Variants in DNAH17 observed in about 807,000 individuals in gnomAD.
DNAH17 encodes the protein dynein axonemal heavy chain 17, also known as axonemal beta dynein heavy chain 17.
A neutral mutation model predicts 485.6 loss-of-function variants in DNAH17; 376 were observed. The ratio of observed to expected loss-of-function variants is 0.77; its 90% CI spans 0.71 to 0.84. DNAH17 has a LOEUF of 0.84. Among genes scored for constraint, DNAH17 ranks in the 40% least tolerant of loss-of-function variants. DNAH17 has a pLI of 0.00. For missense variants in DNAH17, 6,370 were observed against 5,839.3 expected, an observed-to-expected ratio of 1.09 and a Z score of -2.96; for synonymous variants, 3,031 against 2,405.9, an observed-to-expected ratio of 1.26 and a Z score of -7.60.
intron 62 of DNAH17, chr17:78,458,326 C>T (rs1317150323): frequency 3.7e-6 from 2 of 547,124 alleles, no homozygotes; most frequent in Non-Finnish European, 6.5e-6. Flanking sequence ...CCCCGTGGGA[C>T]CCAGTGTCCC....
intron 74 of DNAH17, among the ~76,000 whole-genome samples, chr17:78,435,692 G>C (rs2086831338): frequency 6.6e-6 from 1 of 152,242 alleles, no homozygotes; most frequent in Admixed American, 6.5e-5. Context: ...TGCAGAGTTT[G>C]TTGAGTGCCT....
chr17:78,454,086 G>T (rs185225461), intron 64 of DNAH17, among the ~76,000 whole-genome samples: 1 of 152,072 alleles, frequency 6.6e-6, no homozygotes, highest in Non-Finnish European at 1.5e-5. Flanking sequence ...TTCCAGCACC[G>T]CTAGGAAGCA....
chr17:78,501,550 C>T lies in DNAH17; in HGVS notation c.5322+192G>A, dbSNP rs769183010. 8.7e-5 allele frequency: 85 copies of T among 977,738 alleles called. 1 individual carries two copies. Among genetic ancestry groups the T allele is most frequent in the Non-Finnish European group, 1.1e-4 (78 of 679,368 alleles). The allele number at this position is 977,738 out of a possible 1,614,324, so 60.6% of individuals were successfully genotyped here. On this transcript the variant is annotated intron_variant, in intron 34 of 80. Transcript: ENST00000389840. Reference sequence around the variant, plus strand: ...AATGGCACTTCCAATGGGCGGGCACCGCTCATCTGACTGCTGTGTGTTGCT... The same window carrying T: ...AATGGCACTTCCAATGGGCGGGCACTGCTCATCTGACTGCTGTGTGTTGCT...
intron 17 of DNAH17, among the ~76,000 whole-genome samples, chr17:78,543,239 C>T (rs967006199): frequency 6.6e-6 from 1 of 152,042 alleles, no homozygotes; most frequent in Non-Finnish European, 1.5e-5. Flanking sequence ...CTCAGCCTCC[C>T]GAGTAGCTGG....
Position 78,476,597 on chromosome 17 carries a change from A to G in DNAH17, c.8129T>C (p.Met2710Thr). Residue 2710 changes from methionine to threonine, a missense_variant, in exon 52 of 81, where the codon ATG becomes ACG. Coordinates refer to ENST00000389840, the MANE Select transcript of DNAH17 (RefSeq NM_173628.4). The stretch of plus-strand genomic sequence containing the variant: ...ATCAAAGAACTTCTTGGTGGAGGCC[A>G]TGGTGACTCTATGCAATGTTTCCTG... Reference protein sequence around the residue: ...KDQETLHRVTMASTKKFFDDL... With the variant: ...KDQETLHRVTTASTKKFFDDL... 6.2e-7 allele frequency: 1 copy of G among 1,611,108 alleles called. No individual in the cohort carries two copies. The highest frequency in any genetic ancestry group is 8.5e-7 in the Non-Finnish European group (1 of 1,178,654).
chr17:78,524,148 TA>T (rs2091002805), intron 25 of DNAH17, among the ~76,000 whole-genome samples: 1 of 152,150 alleles, frequency 6.6e-6, no homozygotes, highest in Non-Finnish European at 1.5e-5. Flanking sequence ...TTTATGTGTT[TA>T]TTTTTTGAGA....
chr17:78,517,056 T>G (rs887315271), intron 25 of DNAH17, among the ~76,000 whole-genome samples: 3 of 152,242 alleles, frequency 2.0e-5, no homozygotes, highest in Non-Finnish European at 4.4e-5. Context: ...CTTTTGTTTT[T>G]GAGACAGAGT....
intron 63 of DNAH17, 84 bp downstream of exon 63, chr17:78,455,560 C>G: frequency 9.1e-7 from 1 of 1,094,398 alleles, no homozygotes; most frequent in African/African-American, 1.6e-5. Flanking sequence ...CTCCTGGCCT[C>G]AAGTAATCCG....
intron 31 of DNAH17, 158 bp from the exon 32 acceptor site, chr17:78,503,169 CTTTTTTTTTT>C (rs397856727): frequency 1.7e-3 from 218 of 127,510 alleles, no homozygotes; most frequent in Middle Eastern, 5.8e-3. Flanking sequence ...AGTGACACAC[CTTTTTTTTTT>C]TTTTTTTTTT....
intron 2 of DNAH17, among the ~76,000 whole-genome samples, chr17:78,573,597 CAA>C (rs112944174): frequency 1.1e-4 from 13 of 119,482 alleles, no homozygotes; most frequent in Admixed American, 1.6e-4. Context: ...AAAATACTGT[CAA>C]AAAAAAAAAA....
chr17:78,473,688 C>T (rs2088878319), intron 54 of DNAH17, among the ~76,000 whole-genome samples: 1 of 151,300 alleles, frequency 6.6e-6, no homozygotes, highest in Non-Finnish European at 1.5e-5. Context: ...GAGGCTGAGG[C>T]TGAGCACCCA....
chr17:78,482,714 A>G (rs1268968805), intron 48 of DNAH17, among the ~76,000 whole-genome samples: 1 of 152,116 alleles, frequency 6.6e-6, no homozygotes, highest in Non-Finnish European at 1.5e-5. Flanking sequence ...TTTCTTCCAC[A>G]GGTGAGCATT....
At chr17:78,450,574 A>G in intron 67 of DNAH17, 108 bp downstream of exon 67, 1 of 1,450,212 alleles carries the variant, frequency 6.9e-7, no homozygotes, top group Non-Finnish European at 9.3e-7. Context: ...TCGGGCACGT[A>G]TGACCGAAGC....
At position 78,575,078 on chromosome 17, in the gene DNAH17, TG is replaced by T. The variant is rs2092414757; in HGVS notation, c.-22del. The T allele has an allele frequency of 6.3e-7, 1 of 1,594,724 alleles. No individual in the cohort carries two copies. The highest frequency in any genetic ancestry group is 1.7e-5 in the Admixed American group (1 of 58,688). ...GTCATCTTGGCCTTTCCTTACACTGTGTATCTGTTAAGAGTGCAAGAAACAG... is the reference window on the plus strand; with the variant it reads ...GTCATCTTGGCCTTTCCTTACACTGTTATCTGTTAAGAGTGCAAGAAACAG... On this transcript the variant is annotated 5_prime_UTR_variant, in exon 2 of 81. It introduces an in-frame stop codon into an upstream open reading frame of the 5' UTR. Transcript: ENST00000389840.
At chr17:78,565,349 A>G (rs2092245668) in intron 11 of DNAH17, among the ~76,000 whole-genome samples, 1 of 152,252 alleles carries the variant, frequency 6.6e-6, no homozygotes, top group African/African-American at 2.4e-5. Flanking sequence ...TGGAACACCA[A>G]CTCGATCCAA....
In DNAH17 at chr17:78,437,623, G is replaced by T; in HGVS notation, c.12033+18C>A. 2 of 1,583,700 alleles carry T rather than the reference G, an allele frequency of 1.3e-6. No homozygotes were observed. The highest frequency in any genetic ancestry group is 1.7e-6 in the Non-Finnish European group (2 of 1,162,704). On this transcript the variant is annotated intron_variant, in intron 74 of 80. Transcript: ENST00000389840. ...GTGGCATGGGATGGGGAGGCAGCCC[G>T]AGCAGGCGTGGCCCTACCTGGGTGA... is the stretch of plus-strand genomic sequence containing the variant.
At position 78,500,430 on chromosome 17, in the gene DNAH17, G is replaced by A. The variant is rs1456868987; in HGVS notation, c.5515C>T (p.Leu1839Phe). ...CCGGCAGGGGCTCCACCCATGATGA[G>A]ATGGAGGGACTGGGTCAGGGTGATA... Reference protein sequence around the residue: ...CYITLTQSLHLIMGGAPAGPA... With the variant: ...CYITLTQSLHFIMGGAPAGPA... The change falls in exon 36 of 81, where the codon CTC becomes TTC. Residue 1839 changes from leucine (L) to phenylalanine (F), a missense_variant. Physicochemically the swap from Leu to Phe is conservative, Grantham distance 22 (BLOSUM62 0). Transcript: ENST00000389840. 1 of 1,605,174 alleles carries A rather than the reference G, an allele frequency of 6.2e-7. No homozygotes were observed. The highest frequency in any genetic ancestry group is 1.1e-5 in the South Asian group (1 of 89,934).
At chr17:78,454,322 A>G in intron 64 of DNAH17, 148 bp downstream of exon 64, 1 of 625,166 alleles carries the variant, frequency 1.6e-6, no homozygotes, top group Non-Finnish European at 2.8e-6. Context: ...ATTCTTTACT[A>G]CTGCTGCTGT....
At chr17:78,529,111 T>C (rs2091157647) in intron 22 of DNAH17, among the ~76,000 whole-genome samples, 1 of 152,152 alleles carries the variant, frequency 6.6e-6, no homozygotes, top group Non-Finnish European at 1.5e-5. Flanking sequence ...TGGCTAATTT[T>C]CTATATTTTT....
Sources: gnomAD v4.1 joint callset for allele counts (sites outside exome capture counted in the v4.1 genomes callset) on GRCh38, gnomAD v4.1.1 for gene constraint, MANE v1.5 for transcripts, NCBI Gene and HGNC (gene_info 2026-07-23, HGNC 2026-07-21) for gene names.